The following ESRRG variants were observed in gnomAD, a reference collection of about 807,000 sequenced individuals.
ESRRG encodes the protein estrogen-related receptor gamma.
A neutral mutation model predicts 44.0 loss-of-function variants in ESRRG; 13 were observed. The ratio of observed to expected loss-of-function variants is 0.30; its 90% CI spans 0.19 to 0.47. ESRRG has a LOEUF of 0.47. Ranked by LOEUF, ESRRG falls within the 20% of genes least tolerant of loss-of-function variation. The probability of loss-of-function intolerance (pLI) is 1.00; values close to 1 mark genes in which losing one functional copy is unlikely to be tolerated. For missense variants in ESRRG, 395 were observed against 580.6 expected, an observed-to-expected ratio of 0.68 and a Z score of 3.29; for synonymous variants, 215 against 214.6, an observed-to-expected ratio of 1.00 and a Z score of -0.02.
intron 2 of ESRRG, among the ~76,000 whole-genome samples, chr1:216,888,024 C>T (rs142426846): frequency 2.6e-5 from 4 of 151,712 alleles, no homozygotes; most frequent in African/African-American, 7.3e-5. Flanking sequence ...TTTTTTACCA[C>T]CAAACAACTA....
At chr1:216,518,221 C>T (rs1351730843) in intron 6 of ESRRG, among the ~76,000 whole-genome samples, 1 of 152,092 alleles carries the variant, frequency 6.6e-6, no homozygotes, top group Non-Finnish European at 1.5e-5. Context: ...ACTGTCAATA[C>T]CTTGAATGCT....
chr1:216,673,683 G>T (rs746984852), intron 2 of ESRRG, among the ~76,000 whole-genome samples: 15 of 152,324 alleles, frequency 9.8e-5, no homozygotes, highest in Non-Finnish European at 1.9e-4. Flanking sequence ...AACTATTGCA[G>T]AGCTATTAAT....
intron 3 of ESRRG, among the ~76,000 whole-genome samples, chr1:216,575,797 C>A (rs553644839): frequency 6.6e-6 from 1 of 152,066 alleles, no homozygotes; most frequent in South Asian, 2.1e-4. Context: ...AGATGAAAAC[C>A]AATTATGGAG....
At chr1:217,018,832 T>C (rs750557500) in intron 1 of ESRRG, among the ~76,000 whole-genome samples, 17 of 152,180 alleles carry the variant, frequency 1.1e-4, no homozygotes, top group Non-Finnish European at 2.4e-4. Context: ...GCAGCTATCA[T>C]GCCCTAATCA....
intron 3 of ESRRG, among the ~76,000 whole-genome samples, chr1:216,590,034 A>G (rs76796296): frequency 0.021 from 3,258 of 152,056 alleles, 47 homozygotes; most frequent in Middle Eastern, 0.034. Context: ...GCAAGATAAT[A>G]AAACTTAAAA....
intron 5 of ESRRG, among the ~76,000 whole-genome samples, chr1:216,531,012 G>T (rs1170823590): frequency 6.6e-6 from 1 of 152,018 alleles, no homozygotes; most frequent in Non-Finnish European, 1.5e-5. Flanking sequence ...ATATGCCCTA[G>T]GAGGAGGAGA....
chr1:216,732,110 T>TAAAAAAAAAAAAAAAAAAAAA (rs565228672), intron 2 of ESRRG, among the ~76,000 whole-genome samples: 1 of 136,696 alleles, frequency 7.3e-6, no homozygotes, highest in Admixed American at 7.2e-5. Context: ...AAATAAAAAA[T>TAAAAAAAAAAAAAAAAAAAAA]AAAAAAAGAA....
intron 2 of ESRRG, among the ~76,000 whole-genome samples, chr1:216,915,032 G>A (rs2060966148): frequency 6.6e-6 from 1 of 152,188 alleles, no homozygotes; most frequent in Admixed American, 6.5e-5. Flanking sequence ...AGTCACCAGT[G>A]TGTGCCAAAG....
At chr1:216,867,422 C>T (rs1212957595) in intron 2 of ESRRG, among the ~76,000 whole-genome samples, 2 of 152,176 alleles carry the variant, frequency 1.3e-5, no homozygotes, top group African/African-American at 4.8e-5. Context: ...AGAAATTTCT[C>T]TTCATATATT....
intron 1 of ESRRG, among the ~76,000 whole-genome samples, chr1:217,133,623 T>TTCTCTCTCTCTCTC (rs1558297993): frequency 3.8e-3 from 127 of 33,712 alleles, no homozygotes; most frequent in African/African-American, 0.014. Context: ...CTTTCTTTCT[T>TTCTCTCTCTCTCTC]TCTTTCTTTC....
chr1:216,960,912 C>T (rs1319727041), intron 1 of ESRRG, among the ~76,000 whole-genome samples: 1 of 152,098 alleles, frequency 6.6e-6, no homozygotes, highest in African/African-American at 2.4e-5. Flanking sequence ...TGTAAATGCA[C>T]ATAGCTGTGG....
At chr1:216,854,857 G>T (rs1433392678) in intron 2 of ESRRG, among the ~76,000 whole-genome samples, 2 of 152,100 alleles carry the variant, frequency 1.3e-5, no homozygotes, top group Non-Finnish European at 2.9e-5. Context: ...TTGAGCTGAG[G>T]TAAGCAAGCA....
chr1:216,706,207 A>C (rs1176610654), intron 1 of ESRRG, among the ~76,000 whole-genome samples: 1 of 151,914 alleles, frequency 6.6e-6, no homozygotes, highest in East Asian at 1.9e-4. Context: ...AGCTTTAAAA[A>C]GTGAAGAGAA....
At chr1:216,924,005 A>G (rs1463135735) in intron 2 of ESRRG, among the ~76,000 whole-genome samples, 2 of 152,238 alleles carry the variant, frequency 1.3e-5, no homozygotes, top group African/African-American at 4.8e-5. Flanking sequence ...TTAGCTTTGC[A>G]AGAGCTTTCA....
chr1:216,880,082 T>G (rs2096419106), intron 2 of ESRRG, among the ~76,000 whole-genome samples: 1 of 151,614 alleles, frequency 6.6e-6, no homozygotes. Context: ...TCGAGGCGGT[T>G]GGATCATTTG....
intron 3 of ESRRG, among the ~76,000 whole-genome samples, chr1:216,610,694 T>G (rs995188147): frequency 6.6e-6 from 1 of 152,080 alleles, no homozygotes; most frequent in South Asian, 2.1e-4. Flanking sequence ...TGTGTGTGTA[T>G]AAATAAATAT....
intron 2 of ESRRG, among the ~76,000 whole-genome samples, chr1:216,785,940 T>C (rs1339433722): frequency 6.6e-6 from 1 of 152,128 alleles, no homozygotes; most frequent in Non-Finnish European, 1.5e-5. Flanking sequence ...CATGTTTTGC[T>C]GCATGCTTGA....
intron 3 of ESRRG, among the ~76,000 whole-genome samples, chr1:216,625,102 C>T (rs754529805): frequency 2.6e-4 from 40 of 152,114 alleles, no homozygotes; most frequent in Non-Finnish European, 4.1e-4. Flanking sequence ...TCATCTTATA[C>T]GTGGGCCAAT....
chr1:217,031,221 A>G (rs756629562), intron 1 of ESRRG, among the ~76,000 whole-genome samples: 1 of 152,250 alleles, frequency 6.6e-6, no homozygotes, highest in Non-Finnish European at 1.5e-5. Flanking sequence ...CCTTTACAAA[A>G]GCAGCTTGCC....
Sources: allele counts gnomAD v4.1 joint callset (sites outside exome capture counted in the v4.1 genomes callset), GRCh38; gene constraint gnomAD v4.1.1; transcripts MANE v1.5; gene names NCBI Gene and HGNC (gene_info 2026-07-23, HGNC 2026-07-21).